MAGI1: variants seen among roughly 807,000 people sequenced by gnomAD.
MAGI1 encodes membrane-associated guanylate kinase, WW and PDZ domain-containing protein 1.
Under a neutral mutation model 139.9 loss-of-function variants are expected in MAGI1, and 58 were observed. The ratio of observed to expected loss-of-function variants is 0.41; its 90% CI spans 0.34 to 0.52. The LOEUF is 0.52. Among genes scored for constraint, MAGI1 ranks in the 20% least tolerant of loss-of-function variants. The pLI, the probability that MAGI1 is intolerant of heterozygous loss-of-function variation, is 0.12. For synonymous variants in MAGI1, 812 were observed against 737.9 expected, an observed-to-expected ratio of 1.10 and a Z score of -1.63; for missense variants, 1,874 against 1,901.6, an observed-to-expected ratio of 0.99 and a Z score of 0.27.
intron 1 of MAGI1, among the ~76,000 whole-genome samples, chr3:65,906,816 G>T (rs1330411903): frequency 6.6e-6 from 1 of 151,600 alleles, no homozygotes; most frequent in South Asian, 2.1e-4. Flanking sequence ...AACCCAGGAG[G>T]TGGAGGTTGC....
At chr3:65,774,588 C>T (rs979811282) in intron 1 of MAGI1, among the ~76,000 whole-genome samples, 28 of 152,268 alleles carry the variant, frequency 1.8e-4, no homozygotes, top group African/African-American at 6.3e-4. Flanking sequence ...GTCTACCAAG[C>T]TTTTGTTCAC....
chr3:65,744,743 G>A (rs1364171521), intron 1 of MAGI1, among the ~76,000 whole-genome samples: 1 of 151,854 alleles, frequency 6.6e-6, no homozygotes, highest in Non-Finnish European at 1.5e-5. Context: ...TATTAACAGT[G>A]AAATCTCCGA....
chr3:65,846,172 AG>A (rs1265880402), intron 1 of MAGI1, among the ~76,000 whole-genome samples: 3 of 152,216 alleles, frequency 2.0e-5, no homozygotes, highest in African/African-American at 7.2e-5. Flanking sequence ...AGCAGCCACC[AG>A]CCCCTCCAAC....
At chr3:65,921,856 C>T (rs959264746) in intron 1 of MAGI1, among the ~76,000 whole-genome samples, 1 of 151,498 alleles carries the variant, frequency 6.6e-6, no homozygotes, top group Non-Finnish European at 1.5e-5. Context: ...CAGTGAGCCA[C>T]GATGGCGCCA....
At chr3:65,933,332 G>T (rs1268440428) in intron 1 of MAGI1, among the ~76,000 whole-genome samples, 1 of 152,188 alleles carries the variant, frequency 6.6e-6, no homozygotes, top group Non-Finnish European at 1.5e-5. Flanking sequence ...TCATCTGAAG[G>T]CTTGACTGGG....
chr3:65,498,691 C>T (rs1275954417), intron 2 of MAGI1, among the ~76,000 whole-genome samples: 1 of 152,186 alleles, frequency 6.6e-6, no homozygotes, highest in Non-Finnish European at 1.5e-5. Flanking sequence ...GGCAATGTGA[C>T]AGCAGCATCC....
intron 1 of MAGI1, among the ~76,000 whole-genome samples, chr3:65,763,229 ACCTT>A (rs1468180256): frequency 1.3e-5 from 2 of 152,152 alleles, no homozygotes; most frequent in East Asian, 3.9e-4. Context: ...AATAATTCTT[ACCTT>A]CCTTCATTCT....
intron 2 of MAGI1, among the ~76,000 whole-genome samples, chr3:65,523,841 A>T (rs1301559797): frequency 6.6e-6 from 1 of 152,210 alleles, no homozygotes; most frequent in African/African-American, 2.4e-5. Flanking sequence ...TGTATCATTT[A>T]AAATCACCAG....
chr3:65,994,126 T>C (rs1302310688), intron 1 of MAGI1, among the ~76,000 whole-genome samples: 2 of 151,658 alleles, frequency 1.3e-5, no homozygotes, highest in Non-Finnish European at 2.9e-5. Flanking sequence ...ATACAAAAAT[T>C]AGCCAGGCGT....
intron 1 of MAGI1, among the ~76,000 whole-genome samples, chr3:65,953,269 C>T (rs1250022806): frequency 1.3e-5 from 2 of 152,178 alleles, no homozygotes; most frequent in African/African-American, 2.4e-5. Flanking sequence ...TACCTTCTGG[C>T]CTATTCACAG....
At chr3:65,915,658 T>G (rs917145833) in intron 1 of MAGI1, among the ~76,000 whole-genome samples, 1 of 152,194 alleles carries the variant, frequency 6.6e-6, no homozygotes, top group Non-Finnish European at 1.5e-5. Flanking sequence ...CTCTGGGTTA[T>G]CCAGTGTATC....
At chr3:65,479,656 T>C (rs1200377508) in intron 3 of MAGI1, among the ~76,000 whole-genome samples, 1 of 152,180 alleles carries the variant, frequency 6.6e-6, no homozygotes, top group Admixed American at 6.5e-5. Flanking sequence ...AATTGACTTA[T>C]TTTTCACTTA....
intron 1 of MAGI1, among the ~76,000 whole-genome samples, chr3:65,968,677 C>T (rs992477609): frequency 4.0e-5 from 6 of 151,766 alleles, no homozygotes; most frequent in African/African-American, 1.5e-4. Flanking sequence ...ATAAACAATT[C>T]TAGGACAAGA....
chr3:65,671,705 T>C (rs573678476), intron 1 of MAGI1, among the ~76,000 whole-genome samples: 2 of 152,280 alleles, frequency 1.3e-5, no homozygotes, highest in African/African-American at 4.8e-5. Flanking sequence ...TGTGCCTCAA[T>C]TTCTTTATCT....
chr3:65,721,153 G>T (rs1006043825), intron 1 of MAGI1, among the ~76,000 whole-genome samples: 14 of 152,108 alleles, frequency 9.2e-5, no homozygotes, highest in African/African-American at 3.4e-4. Context: ...ACGCCCTATT[G>T]CTTTTAACTA....
At chr3:65,958,998 AC>A (rs1376635755) in intron 1 of MAGI1, among the ~76,000 whole-genome samples, 5 of 151,786 alleles carry the variant, frequency 3.3e-5, no homozygotes, top group Non-Finnish European at 7.4e-5. Context: ...AAAAAAAAAA[AC>A]AACAAAAAAA....
chr3:65,792,852 A>G (rs2039880738), intron 1 of MAGI1, among the ~76,000 whole-genome samples: 1 of 152,130 alleles, frequency 6.6e-6, no homozygotes, highest in African/African-American at 2.4e-5. Context: ...TATAACTGAC[A>G]CCACGGAAAG....
chr3:65,798,642 C>G (rs1453360887), intron 1 of MAGI1, among the ~76,000 whole-genome samples: 2 of 152,184 alleles, frequency 1.3e-5, no homozygotes, highest in Admixed American at 6.5e-5. Context: ...GCTTTGTGAA[C>G]TGAAATTTCC....
At chr3:65,760,533 C>T (rs9818845) in intron 1 of MAGI1, among the ~76,000 whole-genome samples, 2,996 of 152,014 alleles carry the variant, frequency 0.02, 92 homozygotes, top group African/African-American at 0.068. Flanking sequence ...TAGATAGCAA[C>T]ATAAGACAGG....
Sources: allele counts gnomAD v4.1 joint callset (sites outside exome capture counted in the v4.1 genomes callset), GRCh38; gene constraint gnomAD v4.1.1; transcripts MANE v1.5; gene names NCBI Gene and HGNC (gene_info 2026-07-23, HGNC 2026-07-21).